The following CADPS variants were observed in gnomAD, a reference collection of about 807,000 sequenced individuals.
CADPS encodes calcium dependent secretion activator, also known as calcium-dependent secretion activator 1.
Under a neutral mutation model 167.3 loss-of-function variants are expected in CADPS, and 57 were observed. The ratio of observed to expected loss-of-function variants is 0.34; its 90% CI spans 0.28 to 0.42. The LOEUF (loss-of-function observed/expected upper bound fraction) is 0.42, where lower values mean the gene tolerates loss of function less well. Among genes scored for constraint, CADPS ranks in the 20% least tolerant of loss-of-function variants. The pLI, the probability that CADPS is intolerant of heterozygous loss-of-function variation, is 1.00. For synonymous variants in CADPS, 676 were observed against 635.3 expected (o/e 1.06, Z -0.96); for missense variants, 1,414 against 1,738.1 (o/e 0.81, Z 3.32).
chr3:62,822,772 G>T (rs1432048957), intron 1 of CADPS, among the ~76,000 whole-genome samples: 1 of 152,114 alleles, frequency 6.6e-6, no homozygotes, highest in Non-Finnish European at 1.5e-5. Flanking sequence ...AACCTGGGAG[G>T]TGGAGGTTGC....
chr3:62,679,540 T>A (rs2076824109), intron 3 of CADPS, among the ~76,000 whole-genome samples: 1 of 151,984 alleles, frequency 6.6e-6, no homozygotes, highest in Non-Finnish European at 1.5e-5. Flanking sequence ...CCCAAGTAAC[T>A]CATCCATGTC....
intron 26 of CADPS, among the ~76,000 whole-genome samples, chr3:62,461,873 GAA>G (rs1169969568): frequency 3.9e-5 from 6 of 152,186 alleles, no homozygotes; most frequent in Non-Finnish European, 8.8e-5. Context: ...AAAGGGCCGA[GAA>G]CACACCTTTC....
At chr3:62,672,427 C>T (rs1306123615) in intron 3 of CADPS, among the ~76,000 whole-genome samples, 1 of 152,172 alleles carries the variant, frequency 6.6e-6, no homozygotes. Context: ...GTTCCACTTC[C>T]CTTGGTAGTA....
intron 6 of CADPS, among the ~76,000 whole-genome samples, chr3:62,630,648 C>G (rs961519947): frequency 6.6e-6 from 1 of 152,164 alleles, no homozygotes; most frequent in Non-Finnish European, 1.5e-5. Flanking sequence ...AGCCACCATG[C>G]AGTTTCTTTT....
At chr3:62,670,319 A>G (rs2075280422) in intron 3 of CADPS, among the ~76,000 whole-genome samples, 1 of 152,158 alleles carries the variant, frequency 6.6e-6, no homozygotes, top group East Asian at 1.9e-4. Flanking sequence ...GGTTATTTGT[A>G]GAAAGAACAT....
chr3:62,869,208 T>A (rs941270405), intron 1 of CADPS, among the ~76,000 whole-genome samples: 48 of 152,154 alleles, frequency 3.2e-4, no homozygotes, highest in African/African-American at 1.1e-3. Context: ...GGAAGCTAAA[T>A]CTGTATATCC....
chr3:62,582,428 A>G (rs577486048), intron 8 of CADPS, among the ~76,000 whole-genome samples: 18 of 152,350 alleles, frequency 1.2e-4, no homozygotes, highest in African/African-American at 4.1e-4. Context: ...CCTGAGTGAC[A>G]GAGCCCCACC....
chr3:62,674,404 A>G (rs2076027456), intron 3 of CADPS, among the ~76,000 whole-genome samples: 1 of 152,212 alleles, frequency 6.6e-6, no homozygotes, highest in African/African-American at 2.4e-5. Flanking sequence ...AAGTCTACCT[A>G]CATGTATCAT....
At chr3:62,645,578 G>A (rs1460645385) in intron 6 of CADPS, 144 bp downstream of exon 6, 15 of 816,950 alleles carry the variant, frequency 1.8e-5, no homozygotes, top group Admixed American at 1.3e-4. Flanking sequence ...AAAAATGTAG[G>A]CAAGTCATCT....
intron 6 of CADPS, among the ~76,000 whole-genome samples, chr3:62,611,218 C>T (rs9867961): frequency 0.054 from 8,209 of 152,206 alleles, 358 homozygotes; most frequent in African/African-American, 0.12. Flanking sequence ...CAGCAGTTGG[C>T]AGCTCCATCC....
chr3:62,432,253 C>T (rs919054586), intron 28 of CADPS, among the ~76,000 whole-genome samples: 10 of 152,120 alleles, frequency 6.6e-5, no homozygotes, highest in African/African-American at 2.4e-4. Context: ...ATTTAGTCCT[C>T]ACGAAAACTG....
chr3:62,666,686 GTGATGGAGAAC>G (rs945589007), intron 3 of CADPS, among the ~76,000 whole-genome samples: 4 of 152,192 alleles, frequency 2.6e-5, no homozygotes, highest in Non-Finnish European at 5.9e-5. Context: ...TTCCTTTAAA[GTGATGGAGAAC>G]TAAGCCCAGC....
At chr3:62,725,912 G>A (rs1319053776) in intron 3 of CADPS, among the ~76,000 whole-genome samples, 4 of 151,798 alleles carry the variant, frequency 2.6e-5, no homozygotes, top group African/African-American at 7.3e-5. Flanking sequence ...GGGTAACTGA[G>A]GCATTGAGTC....
intron 5 of CADPS, among the ~76,000 whole-genome samples, chr3:62,649,334 C>A (rs1018094236): frequency 2.0e-5 from 3 of 152,026 alleles, no homozygotes; most frequent in African/African-American, 4.8e-5. Context: ...ATAATAAACC[C>A]ATTTTAGATG....
intron 13 of CADPS, among the ~76,000 whole-genome samples, chr3:62,529,582 T>C (rs2073169081): frequency 6.6e-6 from 1 of 152,184 alleles, no homozygotes; most frequent in African/African-American, 2.4e-5. Context: ...CAAACAGAAA[T>C]TGCATTTCAC....
intron 1 of CADPS, among the ~76,000 whole-genome samples, chr3:62,793,860 G>T (rs1249177455): frequency 2.0e-5 from 3 of 152,182 alleles, no homozygotes; most frequent in Non-Finnish European, 4.4e-5. Context: ...AGATAACACT[G>T]TGGAAAATCC....
intron 3 of CADPS, among the ~76,000 whole-genome samples, chr3:62,687,592 G>A (rs1317278083): frequency 6.6e-6 from 1 of 151,982 alleles, no homozygotes; most frequent in Non-Finnish European, 1.5e-5. Context: ...GAATTGGCTT[G>A]AAGATTTTCA....
chr3:62,484,822 G>A (rs576834807), intron 21 of CADPS, among the ~76,000 whole-genome samples: 1 of 152,264 alleles, frequency 6.6e-6, no homozygotes, highest in East Asian at 1.9e-4. Context: ...TTAGATTTAT[G>A]GATGGGGTTG....
In CADPS at chr3:62,549,230, G is replaced by A. The variant is rs115550070; in HGVS notation, c.1966+673C>T. Among the ~76,000 whole-genome samples, 690 of 152,242 alleles carry A rather than the reference G, an allele frequency of 4.5e-3. 2 individuals are homozygous for A. Among genetic ancestry groups the A allele is most frequent in the Admixed American group, 8.2e-3 (126 of 15,292 alleles). ...TGTTTTAATAAATATTTCCAAACAT[G>A]TACTGGCTTTCACCTCACCCTGTGT... On this transcript the variant is annotated intron_variant, in intron 11 of 29. Transcript: ENST00000383710.
Sources: gnomAD v4.1 joint callset for allele counts (sites outside exome capture counted in the v4.1 genomes callset) on GRCh38, gnomAD v4.1.1 for gene constraint, MANE v1.5 for transcripts, NCBI Gene and HGNC (gene_info 2026-07-23, HGNC 2026-07-21) for gene names.